The following PRAM1 variants were observed in gnomAD, a reference collection of about 807,000 sequenced individuals.
PRAM1 encodes PML-RARA-regulated adapter molecule 1.
In PRAM1, 41 loss-of-function variants were observed where a neutral mutation model predicts 55.3. The ratio of observed to expected loss-of-function variants is 0.74; its 90% CI spans 0.58 to 0.96. PRAM1 has a LOEUF of 0.96. Among genes scored for constraint, PRAM1 ranks in the 40% least tolerant of loss-of-function variants. PRAM1 has a pLI of 0.00. For synonymous variants in PRAM1, 401 were observed against 387.1 expected (o/e 1.04, Z -0.42); for missense variants, 898 against 892.7 (o/e 1.01, Z -0.08).
chr19:8,496,878 T>G (rs1235205868), intron 4 of PRAM1, among the ~76,000 whole-genome samples: 1 of 151,374 alleles, frequency 6.6e-6, no homozygotes, highest in Non-Finnish European at 1.5e-5. Flanking sequence ...ACAAAAAAAT[T>G]AGCTGGGCGC....
chr19:8,498,907 C>A lies in PRAM1; in HGVS notation c.901G>T (p.Glu301Ter). ...GGCCTCTTGGGAAGCACGCTGACTT[C>A]GGGCTCTGAGGAGGTCCTGGTGAGG... ...GDLTRTSSEP[E>*]VSVLPKRPRP... is the part of the protein sequence containing the mutation. Residue 301 changes from glutamate to a stop codon, truncating the protein, a stop_gained, in exon 2 of 10, where the codon GAA (glutamate) becomes TAA (stop). Coordinates refer to ENST00000423345, the MANE Select transcript of PRAM1 (RefSeq NM_032152.5). LOFTEE classifies it high-confidence loss of function. 6.2e-7 allele frequency: 1 copy of A among 1,613,500 alleles called. No individual in the cohort carries two copies. Among genetic ancestry groups the A allele is most frequent in the Non-Finnish European group, 8.5e-7 (1 of 1,179,728 alleles).
Position 8,499,715 on chromosome 19 carries a change from G to C in PRAM1, c.93C>G (p.Asp31Glu). The C allele has an allele frequency of 1.2e-6, 2 of 1,613,784 alleles. No individual in the cohort carries two copies. The highest frequency in any genetic ancestry group is 1.7e-6 in the Non-Finnish European group (2 of 1,179,790). ...CAGGCTTCGGAGGTTTTTTGGGCAG[G>C]TCGCTGGGCTCCGGCTGAGAGGCCT... Reference protein sequence around the residue: ...KFQASQPEPSDLPKKPPKPEF... With the variant: ...KFQASQPEPSELPKKPPKPEF... The change falls in exon 2 of 10, where the codon GAC (aspartate) becomes GAG (glutamate). Residue 31 changes from aspartate (D) to glutamate (E), a missense_variant. Around this residue, in one of 4 missense-constraint regions of PRAM1, gnomAD observed 79 missense variants for 93.4 expected, o/e 0.85. Transcript: ENST00000423345.
intron 1 of PRAM1, 130 bp downstream of exon 1, chr19:8,502,435 T>A (rs1457316515): frequency 4.3e-6 from 5 of 1,153,876 alleles, no homozygotes; most frequent in Non-Finnish European, 6.2e-6. Flanking sequence ...CCCTTCCCGT[T>A]TCCCAGATGT....
intron 1 of PRAM1, among the ~76,000 whole-genome samples, chr19:8,502,304 T>G (rs1417649224): frequency 6.6e-6 from 1 of 151,392 alleles, no homozygotes; most frequent in Non-Finnish European, 1.5e-5. Flanking sequence ...GAGACGGGAG[T>G]TGTCCCCCCG....
intron 4 of PRAM1, among the ~76,000 whole-genome samples, chr19:8,494,339 G>A (rs1971668209): frequency 6.6e-6 from 1 of 152,212 alleles, no homozygotes; most frequent in African/African-American, 2.4e-5. Flanking sequence ...CCCCAACGGT[G>A]GCCCCCAGAC....
rs1427488535 is a variant in PRAM1 at position 8,490,436 on chromosome 19, C to A, written c.1940+40G>T. On this transcript the variant is annotated intron_variant, in intron 8 of 9. Coordinates refer to ENST00000423345, the MANE Select transcript of PRAM1 (RefSeq NM_032152.5). This position sits in a 1 kb window ranked among gnomAD's most constrained non-coding sequence, Gnocchi z 7.3. ...CCCATTCCCCCCACCCTGCACCACACACCCCGCACTCCCCCACCACGGTCA... is the reference window on the plus strand; with the variant it reads ...CCCATTCCCCCCACCCTGCACCACAAACCCCGCACTCCCCCACCACGGTCA... 1 of 1,613,524 alleles carries A rather than the reference C, an allele frequency of 6.2e-7. No homozygotes were observed. Among genetic ancestry groups the A allele is most frequent in the East Asian group, 2.2e-5 (1 of 44,848 alleles).
Position 8,499,267 on chromosome 19 carries a change from A to G in PRAM1, c.541T>C (p.Ser181Pro). Residue 181 changes from serine to proline, a missense_variant, in exon 2 of 10, where the codon TCC (serine) becomes CCC (proline). Around this residue, in one of 4 missense-constraint regions of PRAM1, gnomAD observed 787 missense variants for 735.4 expected, o/e 1.07. Transcript: ENST00000423345. The stretch of plus-strand genomic sequence containing the variant: ...GGGAATGCGCCGGATTTGGGTTCGG[A>G]GGGGGGTCTGGCGGGGTGACTGAGT... ...DELSHPARPP[S>P]EPKSGAFPRK... 2.5e-6 allele frequency: 4 copies of G among 1,608,688 alleles called. 1 individual carries two copies. The East Asian group carries it at 9.0e-5, about 36-fold the overall frequency.
chr19:8,498,922 T>C lies in PRAM1; in HGVS notation c.886A>G (p.Thr296Ala), dbSNP rs771472602. 6 of 1,613,322 alleles carry C rather than the reference T, an allele frequency of 3.7e-6. No homozygotes were observed. The highest frequency in any genetic ancestry group is 5.1e-6 in the Non-Finnish European group (6 of 1,179,692). ...ACGCTGACTTCGGGCTCTGAGGAGG[T>C]CCTGGTGAGGTCCCCAAGCTCAGGC... is the stretch of plus-strand genomic sequence containing the variant. ...PQPELGDLTR[T>A]SSEPEVSVLP... is the part of the protein sequence containing the mutation. The change falls in exon 2 of 10, where the codon ACC becomes GCC. Residue 296 changes from threonine (T) to alanine (A), a missense_variant. Transcript: ENST00000423345.
At chr19:8,495,264 G>A (rs932302645) in intron 4 of PRAM1, among the ~76,000 whole-genome samples, 9 of 151,810 alleles carry the variant, frequency 5.9e-5, no homozygotes, top group Non-Finnish European at 1.3e-4. Context: ...CACACCTGGC[G>A]AATTTTTGTA....
At position 8,493,684 on chromosome 19, in the gene PRAM1, G is replaced by C. The variant is rs1971659588; in HGVS notation, c.1577-2527C>G. ...CAAGTAAGGCAGACAGTGGGAAAGG[G>C]GAGTCCAGAGTCCTGGCCCCAAGAG... On this transcript the variant is annotated intron_variant, in intron 4 of 9. Coordinates refer to ENST00000423345, the MANE Select transcript of PRAM1 (RefSeq NM_032152.5). This position sits in a 1 kb window ranked among gnomAD's most constrained non-coding sequence, Gnocchi z 4.1. 6.6e-6 allele frequency among the ~76,000 whole-genome samples: 1 copy of C among 152,224 alleles called. No homozygotes were observed. Among genetic ancestry groups the C allele is most frequent in the Non-Finnish European group, 1.5e-5 (1 of 68,038 alleles).
intron 1 of PRAM1, among the ~76,000 whole-genome samples, chr19:8,500,788 T>C (rs1248500852): frequency 6.6e-6 from 1 of 152,124 alleles, no homozygotes; most frequent in Non-Finnish European, 1.5e-5. Context: ...TTTTTTGAGA[T>C]GGAGTCTTGC....
intron 4 of PRAM1, among the ~76,000 whole-genome samples, chr19:8,496,728 CA>C (rs1376940901): frequency 6.6e-6 from 1 of 151,210 alleles, no homozygotes; most frequent in Non-Finnish European, 1.5e-5. Context: ...CCATCTCAAA[CA>C]AAAAAACGAA....
Position 8,498,306 on chromosome 19 carries a change from A to G in PRAM1, c.1433-17T>C, listed in dbSNP as rs2145792599. 1.2e-6 allele frequency: 2 copies of G among 1,609,340 alleles called. No individual in the cohort carries two copies. On this transcript the variant is annotated splice_polypyrimidine_tract_variant and intron_variant, in intron 2 of 9. Coordinates refer to ENST00000423345, the MANE Select transcript of PRAM1 (RefSeq NM_032152.5). Reference sequence around the variant, plus strand: ...TCCGTAGATCTGTGGGGTAGAGAGTAGGGCAGGGAAGCCGGCACTGCCTGG... The same window carrying G: ...TCCGTAGATCTGTGGGGTAGAGAGTGGGGCAGGGAAGCCGGCACTGCCTGG...
At chr19:8,491,359 G>A (rs967061839) in intron 4 of PRAM1, 16 of 617,382 alleles carry the variant, frequency 2.6e-5, no homozygotes, top group East Asian at 5.5e-5. Context: ...TCAGGCTCCC[G>A]AGTAGCTGGG....
Position 8,502,212 on chromosome 19 carries a change from T to C in PRAM1, c.27+353A>G, listed in dbSNP as rs148069073. Among the ~76,000 whole-genome samples the C allele has an allele frequency of 7.3e-3, 1,114 of 152,096 alleles. 12 individuals carry two copies. Among genetic ancestry groups the C allele is most frequent in the African/African-American group, 0.025 (1,034 of 41,496 alleles). On this transcript the variant is annotated intron_variant, in intron 1 of 9. Transcript: ENST00000423345. ...TGGGTGACTGGACGGGGGAGGGTCA[T>C]GACCCACTTTGTCACCCCGCAGGAA...
In PRAM1 at chr19:8,498,717, G is replaced by A; in HGVS notation, c.1091C>T (p.Ala364Val). 1.3e-6 allele frequency: 2 copies of A among 1,591,766 alleles called. No homozygotes were observed. The highest frequency in any genetic ancestry group is 1.7e-6 in the Non-Finnish European group (2 of 1,169,938). ...PRKFSQPEPS[A>V]VLKRHPQPEF... ...AGGCTGCGGGTGTCTCTTGAGGACA[G>A]CGCTGGGCTCAGGCTGTGAGAACTT... The change falls in exon 2 of 10, where the codon GCT becomes GTT. Residue 364 changes from alanine (A) to valine (V), a missense_variant. Transcript: ENST00000423345.
Position 8,490,835 on chromosome 19 carries a change from G to A in PRAM1, c.1743+52C>T. ...TCTTCTTTCTGAGCCTGGGATCGGT[G>A]GGACCCTGGTCTCCGCCCTGCCAGG... On this transcript the variant is annotated intron_variant, in intron 6 of 9. Coordinates refer to ENST00000423345, the MANE Select transcript of PRAM1 (RefSeq NM_032152.5). This position sits in a 1 kb window ranked among gnomAD's most constrained non-coding sequence, Gnocchi z 7.3. 1 of 1,608,862 alleles carries A rather than the reference G, an allele frequency of 6.2e-7. No homozygotes were observed. The highest frequency in any genetic ancestry group is 1.7e-5 in the Admixed American group (1 of 59,988).
In PRAM1 at chr19:8,502,426, C is replaced by G. The variant is rs903417706; in HGVS notation, c.27+139G>C. The G allele has an allele frequency of 7.4e-6, 8 of 1,085,172 alleles. No homozygotes were observed. The Admixed American group carries it at 8.4e-5, about 11-fold the overall frequency. 67.2% of individuals were successfully genotyped at this position (1,085,172 alleles called of 1,614,324 possible). The stretch of plus-strand genomic sequence containing the variant: ...CCTACCTCGGGTCCTTTTTGCCGAC[C>G]CTTCCCGTTTCCCAGATGTCTTTCG... On this transcript the variant is annotated intron_variant, in intron 1 of 9. Coordinates refer to ENST00000423345, the MANE Select transcript of PRAM1 (RefSeq NM_032152.5).
At position 8,491,165 on chromosome 19, in the gene PRAM1, C is replaced by T. The variant is rs770102824; in HGVS notation, c.1577-8G>A. ...GAACTGAGGGCGCTTCATCTGGGGA[C>T]AGTCAGGACTCCGAGTCAAGGCAGG... On this transcript the variant is annotated splice_region_variant and splice_polypyrimidine_tract_variant and intron_variant, in intron 4 of 9. Transcript: ENST00000423345. 211 of 1,609,060 alleles carry T rather than the reference C, an allele frequency of 1.3e-4. No individual in the cohort carries two copies. The highest frequency in any genetic ancestry group is 1.8e-4 in the Non-Finnish European group (208 of 1,179,236).
Sources: gnomAD v4.1 joint callset for allele counts (sites outside exome capture counted in the v4.1 genomes callset) on GRCh38, gnomAD v4.1.1 for gene constraint, gnomAD v4.1.1 regional missense constraint, Gnocchi (gnomAD v3.1) non-coding constraint, MANE v1.5 for transcripts, NCBI Gene and HGNC (gene_info 2026-07-23, HGNC 2026-07-21) for gene names.